STK38L: variants seen among roughly 807,000 people sequenced by gnomAD.
The protein encoded by STK38L is serine/threonine kinase 38 like, also known as serine/threonine-protein kinase 38-like.
STK38L carries 28 observed loss-of-function variants against 59.7 expected under a neutral mutation model. That is an observed-to-expected ratio of 0.47 (90% confidence interval 0.35 to 0.64). The LOEUF is 0.64. Among genes scored for constraint, STK38L ranks in the 30% least tolerant of loss-of-function variants. The pLI is 0.01. For synonymous variants in STK38L, 162 were observed against 176.8 expected (o/e 0.92, Z 0.66); for missense variants, 314 against 555.8 (o/e 0.56, Z 4.37).
intron 9 of STK38L, 93 bp from the exon 10 acceptor site, chr12:27,317,243 C>T (rs1944608505): frequency 1.2e-6 from 1 of 845,294 alleles, no homozygotes; most frequent in Non-Finnish European, 1.9e-6. Flanking sequence ...AATTTAACTC[C>T]TCTATATATT....
chr12:27,251,377 A>G (rs576837436), intron 1 of STK38L, among the ~76,000 whole-genome samples: 3 of 152,336 alleles, frequency 2.0e-5, no homozygotes, highest in African/African-American at 7.2e-5. Context: ...TAATCCTCAT[A>G]GCAGTCATGT....
intron 5 of STK38L, 54 bp from the exon 6 acceptor site, chr12:27,312,495 T>C (rs1251525112): frequency 1.3e-6 from 2 of 1,589,852 alleles, no homozygotes; most frequent in African/African-American, 2.7e-5. Context: ...GAGATGAGTT[T>C]AACAAATGTG....
chr12:27,259,507 G>T (rs1031893074), intron 1 of STK38L, among the ~76,000 whole-genome samples: 1 of 152,186 alleles, frequency 6.6e-6, no homozygotes, highest in African/African-American at 2.4e-5. Flanking sequence ...CACTGGACTG[G>T]AAGTTCTCTT....
intron 1 of STK38L, among the ~76,000 whole-genome samples, chr12:27,246,022 A>G (rs1042849378): frequency 1.3e-5 from 2 of 152,206 alleles, no homozygotes; most frequent in Admixed American, 6.5e-5. Context: ...TTCTCTAGCC[A>G]TTTGCTCTTG....
chr12:27,282,486 T>G lies in STK38L; in HGVS notation c.-11-15224T>G, dbSNP rs566901729. 4.6e-5 allele frequency among the ~76,000 whole-genome samples: 7 copies of G among 152,288 alleles called. No homozygotes were observed. In the East Asian group the frequency reaches 1.3e-3, roughly 29 times the overall value. On this transcript the variant is annotated intron_variant, in intron 1 of 13. Transcript: ENST00000389032. ...TAGTTACATAAAATATATAAAAATATGCTTAAGTAGTTGCAATCAAAGGAA... is the reference window on the plus strand; with the variant it reads ...TAGTTACATAAAATATATAAAAATAGGCTTAAGTAGTTGCAATCAAAGGAA...
intron 1 of STK38L, among the ~76,000 whole-genome samples, chr12:27,247,543 T>G (rs1353656638): frequency 6.6e-6 from 1 of 152,256 alleles, no homozygotes; most frequent in Non-Finnish European, 1.5e-5. Flanking sequence ...AGATTAAATA[T>G]AACTATTGAG....
chr12:27,280,505 A>G (rs1461631438), intron 1 of STK38L, among the ~76,000 whole-genome samples: 1 of 152,326 alleles, frequency 6.6e-6, no homozygotes, highest in East Asian at 1.9e-4. Context: ...CACCATTAGG[A>G]GACTGTGCCA....
intron 3 of STK38L, among the ~76,000 whole-genome samples, chr12:27,307,227 T>TC (rs2136644424): frequency 6.6e-6 from 1 of 152,352 alleles, no homozygotes; most frequent in East Asian, 1.9e-4. Context: ...CTGTCATAAT[T>TC]TACACCATTG....
At chr12:27,312,723 A>C in intron 6 of STK38L, 51 bp downstream of exon 6, 2 of 1,588,270 alleles carry the variant, frequency 1.3e-6, no homozygotes, top group Non-Finnish European at 1.7e-6. Flanking sequence ...ACATCTTTAT[A>C]TGCAACAATA....
At chr12:27,304,900 T>G (rs904746183) in intron 3 of STK38L, among the ~76,000 whole-genome samples, 2 of 151,870 alleles carry the variant, frequency 1.3e-5, no homozygotes, top group African/African-American at 4.8e-5. Context: ...ATTTTTTTTT[T>G]GCTTCCACAA....
chr12:27,316,118 A>G (rs949470988), intron 9 of STK38L, among the ~76,000 whole-genome samples: 3 of 152,218 alleles, frequency 2.0e-5, no homozygotes, highest in Non-Finnish European at 2.9e-5. Flanking sequence ...AGGAAAGTAA[A>G]CAGACTGAAA....
At chr12:27,318,074 C>A (rs1944630417) in intron 11 of STK38L, 55 bp downstream of exon 11, 1 of 1,598,534 alleles carries the variant, frequency 6.3e-7, no homozygotes, top group Non-Finnish European at 8.5e-7. Context: ...TCCTAAGAAC[C>A]TAAAAGACTC....
chr12:27,318,909 T>C (rs2136652562), intron 11 of STK38L, among the ~76,000 whole-genome samples: 1 of 152,266 alleles, frequency 6.6e-6, no homozygotes, highest in South Asian at 2.1e-4. Context: ...GAGAATGACA[T>C]GAACCCGGGA....
At chr12:27,319,740 G>T (rs1305254241) in intron 12 of STK38L, among the ~76,000 whole-genome samples, 2 of 152,178 alleles carry the variant, frequency 1.3e-5, no homozygotes, top group Admixed American at 6.5e-5. Flanking sequence ...TTTTGTCCTT[G>T]CTGTAATATA....
intron 1 of STK38L, among the ~76,000 whole-genome samples, chr12:27,275,201 C>CA (rs1484113442): frequency 6.6e-6 from 1 of 152,164 alleles, no homozygotes; most frequent in African/African-American, 2.4e-5. Flanking sequence ...CTCGCCCCTT[C>CA]ATACAAAATT....
intron 1 of STK38L, among the ~76,000 whole-genome samples, chr12:27,258,869 A>G (rs1234714703): frequency 6.6e-6 from 1 of 152,212 alleles, no homozygotes; most frequent in Non-Finnish European, 1.5e-5. Context: ...CATTGGTAAC[A>G]CTATTGCCTA....
At chr12:27,306,829 C>T (rs1394954579) in intron 3 of STK38L, among the ~76,000 whole-genome samples, 1 of 152,016 alleles carries the variant, frequency 6.6e-6, no homozygotes, top group East Asian at 1.9e-4. Flanking sequence ...CAACCTCTGC[C>T]TCCCGGGTTC....
At chr12:27,288,191 A>G (rs183100174) in intron 1 of STK38L, among the ~76,000 whole-genome samples, 2 of 152,154 alleles carry the variant, frequency 1.3e-5, no homozygotes, top group African/African-American at 4.8e-5. Context: ...GTTTATTCTT[A>G]CATATTTTAT....
Position 27,265,629 on chromosome 12 carries a change from A to T in STK38L, c.-12+21297A>T, listed in dbSNP as rs375897272. On this transcript the variant is annotated intron_variant, in intron 1 of 13. Coordinates refer to ENST00000389032, the MANE Select transcript of STK38L (RefSeq NM_015000.4). ...AAAATTATTGATTGAATGAAAGAAG[A>T]CTATTAAATGTTCAGTTCTTCTTTT... Among the ~76,000 whole-genome samples the T allele has an allele frequency of 2.3e-4, 35 of 152,290 alleles. No homozygotes were observed. The East Asian group carries it at 4.4e-3, about 19-fold the overall frequency.
Sources: gnomAD v4.1 joint callset for allele counts (sites outside exome capture counted in the v4.1 genomes callset) on GRCh38, gnomAD v4.1.1 for gene constraint, MANE v1.5 for transcripts, NCBI Gene and HGNC (gene_info 2026-07-23, HGNC 2026-07-21) for gene names.